MSN: variants seen among roughly 807,000 people sequenced by gnomAD.
MSN encodes epididymis luminal protein 70.
MSN carries 2 observed loss-of-function variants against 48.0 expected under a neutral mutation model. The ratio of observed to expected loss-of-function variants is 0.04; its 90% CI spans 0.02 to 0.13. MSN has a LOEUF of 0.13. MSN is among the 10% of genes least tolerant of loss of function. The pLI is 1.00. For synonymous variants in MSN, 146 were observed against 166.9 expected, an observed-to-expected ratio of 0.87 and a Z score of 0.97; for missense variants, 267 against 470.1, an observed-to-expected ratio of 0.57 and a Z score of 3.99.
At chrX:65,726,463 G>T in intron 2 of MSN, among the ~76,000 whole-genome samples, 1 of 111,349 alleles carries the variant, frequency 9.0e-6, no homozygotes, top group East Asian at 2.8e-4. Context: ...ACACATGATT[G>T]GTGCTTAATA....
chrX:65,704,863 G>A (rs1222440821), intron 1 of MSN, among the ~76,000 whole-genome samples: 4 of 106,874 alleles, frequency 3.7e-5, no homozygotes, highest in African/African-American at 1.4e-4. Context: ...TCCGCTTCCC[G>A]GGTTCAAGCA....
At chrX:65,622,516 T>G (rs1051710808) in intron 1 of MSN, among the ~76,000 whole-genome samples, 6 of 100,211 alleles carry the variant, frequency 6.0e-5, no homozygotes, top group Non-Finnish European at 8.2e-5. Context: ...CTTTGTTTTT[T>G]TTTTTTTTTT....
At chrX:65,678,484 G>A (rs1393078153) in intron 1 of MSN, among the ~76,000 whole-genome samples, 2 of 111,759 alleles carry the variant, frequency 1.8e-5, no homozygotes, top group African/African-American at 6.5e-5. Context: ...GTGTGGGGGT[G>A]GGATGGGGCT....
Position 65,736,834 on chromosome X carries a change from A to G in MSN, c.999A>G (p.Ala333=). The G allele has an allele frequency of 8.5e-7, 1 of 1,171,262 alleles. No individual in the cohort carries two copies. The highest frequency in any genetic ancestry group is 1.1e-6 in the Non-Finnish European group (1 of 874,293). ...LENEKKKREM[A]EKEKEKIERE... ...ATGAGAAGAAGAAGCGTGAAATGGC[A>G]GAGAAGGAGAAAGAGAAGATTGAAC... The change falls in exon 9 of 13, where the codon GCA becomes GCG. Residue 333 remains alanine (A), a synonymous_variant. Transcript: ENST00000360270.
At chrX:65,728,700 C>T (rs2071593014) in intron 3 of MSN, among the ~76,000 whole-genome samples, 1 of 111,607 alleles carries the variant, frequency 9.0e-6, no homozygotes, top group South Asian at 3.7e-4. Context: ...AATGTCTGAA[C>T]CCCATATAGA....
chrX:65,665,705 G>A (rs945484056), upstream of MSN, among the ~76,000 whole-genome samples: 1 of 111,394 alleles, frequency 9.0e-6, no homozygotes, highest in Non-Finnish European at 1.9e-5. Context: ...ATGTCAGAGT[G>A]GGAAAGGACC....
intron 1 of MSN, among the ~76,000 whole-genome samples, chrX:65,645,576 G>A (rs933923381): frequency 4.5e-5 from 5 of 111,102 alleles, no homozygotes; most frequent in Non-Finnish European, 9.4e-5. Context: ...GAGTGAGTAT[G>A]AGTTGGTCAA....
intron 1 of MSN, among the ~76,000 whole-genome samples, chrX:65,592,192 CTTTTTTTTT>C (rs1176549178): frequency 1.3e-5 from 1 of 76,901 alleles, no homozygotes; most frequent in African/African-American, 5.1e-5. Flanking sequence ...CTCTTCATCC[CTTTTTTTTT>C]TTTTTTTTTT....
intron 1 of MSN, among the ~76,000 whole-genome samples, chrX:65,708,258 G>C (rs1391045164): frequency 2.7e-5 from 3 of 111,782 alleles, no homozygotes; most frequent in African/African-American, 9.8e-5. Context: ...ATAGTGATCA[G>C]ATCAGAGTAA....
chrX:65,612,866 G>T (rs7052224), intron 1 of MSN, among the ~76,000 whole-genome samples: 3,481 of 76,739 alleles, frequency 0.045, 151 homozygotes, highest in African/African-American at 0.31. Flanking sequence ...TTTTTTTTTT[G>T]GGGGGGGGTA....
At chrX:65,611,167 ATT>A (rs570494964) in intron 1 of MSN, among the ~76,000 whole-genome samples, 36 of 78,210 alleles carry the variant, frequency 4.6e-4, no homozygotes, top group African/African-American at 1.8e-3. Context: ...CTTTCTTTCT[ATT>A]TTTTTTTTTT....
At chrX:65,693,545 A>T (rs1276965937) in intron 1 of MSN, among the ~76,000 whole-genome samples, 1 of 112,009 alleles carries the variant, frequency 8.9e-6, no homozygotes, top group Non-Finnish European at 1.9e-5. Flanking sequence ...AATGGTGAGC[A>T]TCCTAAGTAG....
At chrX:65,681,554 C>G (rs958188206) in intron 1 of MSN, among the ~76,000 whole-genome samples, 4 of 112,266 alleles carry the variant, frequency 3.6e-5, no homozygotes, top group Non-Finnish European at 7.5e-5. Context: ...GGTGTATTAG[C>G]ACCTATGGGG....
intron 1 of MSN, among the ~76,000 whole-genome samples, chrX:65,671,977 G>A (rs767451820): frequency 3.6e-5 from 4 of 112,123 alleles, no homozygotes; most frequent in Admixed American, 1.9e-4. Flanking sequence ...CTACTTTACC[G>A]AATGATGGAG....
At chrX:65,626,862 G>T (rs1569455770) in intron 1 of MSN, among the ~76,000 whole-genome samples, 1 of 111,457 alleles carries the variant, frequency 9.0e-6, no homozygotes, top group Non-Finnish European at 1.9e-5. Context: ...AGAGAGACTA[G>T]AATGGACTTA....
At chrX:65,724,754 T>TGG (rs2071551150) in intron 2 of MSN, among the ~76,000 whole-genome samples, 1 of 111,436 alleles carries the variant, frequency 9.0e-6, no homozygotes, top group African/African-American at 3.3e-5. Flanking sequence ...TGGTGCAATC[T>TGG]CAGCTCACTG....
intron 1 of MSN, among the ~76,000 whole-genome samples, chrX:65,626,825 C>CT (rs2070510617): frequency 1.0e-5 from 1 of 99,905 alleles, no homozygotes; most frequent in African/African-American, 5.1e-5. Flanking sequence ...AAAACAAGTG[C>CT]CTGTGTCAGT....
chrX:65,648,254 A>G (rs184904807), intron 1 of MSN, among the ~76,000 whole-genome samples: 51 of 112,102 alleles, frequency 4.5e-4, no homozygotes, highest in African/African-American at 1.7e-3. Context: ...TCACTCATGC[A>G]TTTAATCCCA....
rs921266781 is a variant in MSN, at chrX:65,589,304, C to A, written c.-22+692C>A. Among the ~76,000 whole-genome samples the A allele has an allele frequency of 2.8e-5, 3 of 106,009 alleles. No individual in the cohort carries two copies. The Admixed American group carries it at 3.2e-4, about 11-fold the overall frequency. 92.1% of individuals were successfully genotyped at this position (106,009 alleles called of 115,157 possible). A position where few individuals can be genotyped will look rare whatever the true frequency, so the allele number is the denominator to read the frequency against. On this transcript the variant is annotated intron_variant, in intron 1 of 3. Coordinates refer to the MSN transcript ENST00000609672. ...TTAGTCTGCAGTTGCCTGTCTGTAA[C>A]TTTCCCTGCTGTATACCGTGGCACA...
Sources: gnomAD v4.1 joint callset for allele counts (sites outside exome capture counted in the v4.1 genomes callset) on GRCh38, gnomAD v4.1.1 for gene constraint, MANE v1.5 for transcripts, NCBI Gene and HGNC (gene_info 2026-07-23, HGNC 2026-07-21) for gene names.